AK8: variants seen among roughly 807,000 people sequenced by gnomAD.
AK8 encodes the protein ATP-AMP transphosphorylase 8.
AK8 carries 44 observed loss-of-function variants against 54.6 expected under a neutral mutation model. The observed-to-expected ratio is 0.81, with a 90% CI of 0.63 to 1.04. AK8 has a LOEUF of 1.04. Ranked by LOEUF, AK8 falls within the 50% of genes least tolerant of loss-of-function variation. AK8 has a pLI of 0.00. For missense variants in AK8, 555 were observed against 613.6 expected (o/e 0.90, Z 1.01); for synonymous variants, 239 against 245.6 (o/e 0.97, Z 0.25).
At chr9:132,769,329 G>A (rs1347960074) in intron 11 of AK8, 1 of 152,208 alleles carries the variant, frequency 6.6e-6, no homozygotes. Flanking sequence ...GATTCTTCAA[G>A]CTCTGAAATT....
chr9:132,839,206 G>C (rs537872616), intron 5 of AK8, among the ~76,000 whole-genome samples: 2 of 152,144 alleles, frequency 1.3e-5, no homozygotes, highest in Non-Finnish European at 2.9e-5. Context: ...GGCCTCCCAC[G>C]GTGCTGGGAT....
chr9:132,793,092 C>T (rs1047238645), intron 10 of AK8, among the ~76,000 whole-genome samples: 2 of 152,126 alleles, frequency 1.3e-5, no homozygotes, highest in Non-Finnish European at 2.9e-5. Context: ...ATTTGGGCTG[C>T]TATAGCAAAA....
rs1840567226 is a variant in AK8, at chr9:132,803,558, C to T, written c.980-10783G>A. 6.6e-6 allele frequency among the ~76,000 whole-genome samples: 1 copy of T among 152,086 alleles called. No individual in the cohort carries two copies. The highest frequency in any genetic ancestry group is 1.5e-5 in the Non-Finnish European group (1 of 68,026). On this transcript the variant is annotated intron_variant, in intron 10 of 12. Coordinates refer to ENST00000298545, the MANE Select transcript of AK8 (RefSeq NM_152572.3). This position sits in a 1 kb window ranked among gnomAD's most constrained non-coding sequence, Gnocchi z 4.4. The stretch of plus-strand genomic sequence containing the variant: ...ATTAGTGAATTACAGACACAATTCC[C>T]TTTATATAGAGCAAGCCAACAAATG...
chr9:132,743,005 A>T (rs1391395168), intron 11 of AK8, among the ~76,000 whole-genome samples: 2 of 152,180 alleles, frequency 1.3e-5, no homozygotes, highest in Non-Finnish European at 2.9e-5. Context: ...GATTCCGCTG[A>T]AGGAACAAGG....
chr9:132,851,475 G>A (rs974468330), intron 5 of AK8, among the ~76,000 whole-genome samples: 1 of 152,240 alleles, frequency 6.6e-6, no homozygotes, highest in Non-Finnish European at 1.5e-5. Flanking sequence ...GGAACTAGGA[G>A]TTATCAGGAG....
At chr9:132,787,251 C>T (rs374165508) in intron 11 of AK8, among the ~76,000 whole-genome samples, 7 of 152,142 alleles carry the variant, frequency 4.6e-5, no homozygotes, top group African/African-American at 1.7e-4. Context: ...TGTCCCAGGA[C>T]TGAAGGACAC....
At chr9:132,857,711 G>A (rs1009918504) in intron 4 of AK8, among the ~76,000 whole-genome samples, 5 of 152,170 alleles carry the variant, frequency 3.3e-5, no homozygotes, top group African/African-American at 4.8e-5. Context: ...CAACCAGGAC[G>A]CAGGGGGTGC....
At chr9:132,746,275 C>A (rs960110001) in intron 11 of AK8, among the ~76,000 whole-genome samples, 1 of 152,206 alleles carries the variant, frequency 6.6e-6, no homozygotes, top group East Asian at 1.9e-4. Flanking sequence ...GTGGTTACCA[C>A]CTTCAGTCCT....
At chr9:132,828,252 G>A (rs1351946725) in intron 6 of AK8, among the ~76,000 whole-genome samples, 168 bp from the exon 7 acceptor site, 1 of 152,092 alleles carries the variant, frequency 6.6e-6, no homozygotes, top group South Asian at 2.1e-4. Context: ...AGGTCTTCTC[G>A]CACCCAAACA....
intron 9 of AK8, among the ~76,000 whole-genome samples, chr9:132,819,772 A>C (rs181944502): frequency 6.6e-6 from 1 of 152,328 alleles, no homozygotes; most frequent in East Asian, 1.9e-4. Flanking sequence ...GCAAATTTCA[A>C]AGGATCAAAA....
chr9:132,795,841 C>T lies in AK8; in HGVS notation c.980-3066G>A, dbSNP rs549736557. 5.9e-5 allele frequency among the ~76,000 whole-genome samples: 9 copies of T among 152,326 alleles called. No individual in the cohort carries two copies. In the South Asian group the frequency reaches 1.2e-3, roughly 21 times the overall value. On this transcript the variant is annotated intron_variant, in intron 10 of 12. Coordinates refer to ENST00000298545, the MANE Select transcript of AK8 (RefSeq NM_152572.3). ...GATGGTTTGACCGGGCCTAGGACGGCTACTAAGGAGGCCGCATTTGGCTGA... is the reference window on the plus strand; with the variant it reads ...GATGGTTTGACCGGGCCTAGGACGGTTACTAAGGAGGCCGCATTTGGCTGA...
chr9:132,828,946 T>C (rs1218459023), intron 5 of AK8, among the ~76,000 whole-genome samples: 2 of 152,044 alleles, frequency 1.3e-5, no homozygotes, highest in Non-Finnish European at 2.9e-5. Flanking sequence ...AACATATATA[T>C]TTTACATCTT....
chr9:132,788,936 T>C (rs1324481978), intron 11 of AK8, among the ~76,000 whole-genome samples: 1 of 152,198 alleles, frequency 6.6e-6, no homozygotes, highest in Non-Finnish European at 1.5e-5. Flanking sequence ...GCCAATACAA[T>C]CCAACAGCAT....
chr9:132,744,125 G>A (rs1022708630), intron 11 of AK8, among the ~76,000 whole-genome samples: 12 of 152,078 alleles, frequency 7.9e-5, no homozygotes, highest in African/African-American at 2.9e-4. Flanking sequence ...TTACGTAGGG[G>A]GTGTGCCGGC....
chr9:132,794,596 C>T (rs1840076885), intron 10 of AK8, among the ~76,000 whole-genome samples: 1 of 152,228 alleles, frequency 6.6e-6, no homozygotes, highest in African/African-American at 2.4e-5. Context: ...GTCTGCGTCT[C>T]TTTCATGGAT....
At chr9:132,754,801 T>C (rs1303432714) in intron 11 of AK8, among the ~76,000 whole-genome samples, 1 of 130,126 alleles carries the variant, frequency 7.7e-6, no homozygotes, top group African/African-American at 2.8e-5. Context: ...TGTTTTTTGG[T>C]TTTTTTTTTT....
intron 2 of AK8, among the ~76,000 whole-genome samples, chr9:132,873,602 TC>T (rs1166104272): frequency 6.6e-6 from 1 of 152,266 alleles, no homozygotes; most frequent in Admixed American, 6.5e-5. Context: ...TGCTTTGCTT[TC>T]CCTTTGCGGT....
intron 11 of AK8, among the ~76,000 whole-genome samples, chr9:132,789,112 G>A (rs1398161652): frequency 2.0e-5 from 3 of 151,916 alleles, no homozygotes; most frequent in Non-Finnish European, 2.9e-5. Context: ...TGGCTAACAC[G>A]GTGAAACCCC....
rs149903572 is a variant in AK8 at position 132,870,031 on chromosome 9, G to A, written c.170-3078C>T. ...GATGAGGCCCAACAGGGCTCAGGGC[G>A]CCCAGAGCCCAAGGAAAGGGGAGAT... On this transcript the variant is annotated intron_variant, in intron 2 of 12. Coordinates refer to ENST00000298545, the MANE Select transcript of AK8 (RefSeq NM_152572.3). Among the ~76,000 whole-genome samples, 755 of 152,198 alleles carry A rather than the reference G, an allele frequency of 5.0e-3. 7 individuals carry two copies. The highest frequency in any genetic ancestry group is 0.017 in the African/African-American group (691 of 41,528).
Sources: allele counts gnomAD v4.1 joint callset (sites outside exome capture counted in the v4.1 genomes callset), GRCh38; gene constraint gnomAD v4.1.1; non-coding constraint Gnocchi (gnomAD v3.1); transcripts MANE v1.5; gene names NCBI Gene and HGNC (gene_info 2026-07-23, HGNC 2026-07-21).